Variants in DIAPH3 observed in about 807,000 individuals in gnomAD.
DIAPH3 encodes the protein diaphanous related formin 3.
In DIAPH3, 117 loss-of-function variants were observed where a neutral mutation model predicts 144.3. That is an observed-to-expected ratio of 0.81 (90% CI 0.70 to 0.95). The LOEUF is 0.95. Among genes scored for constraint, DIAPH3 ranks in the 40% least tolerant of loss-of-function variants. The pLI, the probability that DIAPH3 is intolerant of heterozygous loss-of-function variation, is 0.00. For synonymous variants in DIAPH3, 519 were observed against 488.9 expected (o/e 1.06, Z -0.81); for missense variants, 1,421 against 1,412.7 (o/e 1.01, Z -0.09).
intron 24 of DIAPH3, among the ~76,000 whole-genome samples, chr13:59,828,127 G>A (rs1213745763): frequency 6.6e-6 from 1 of 151,954 alleles, no homozygotes; most frequent in Non-Finnish European, 1.5e-5. Flanking sequence ...CATATAGTAT[G>A]AGGTCAGATA....
intron 22 of DIAPH3, among the ~76,000 whole-genome samples, chr13:59,845,529 C>T (rs1357480881): frequency 6.6e-6 from 1 of 152,088 alleles, no homozygotes; most frequent in Non-Finnish European, 1.5e-5. Flanking sequence ...TAAACAAAGC[C>T]CCACCTACAA....
chr13:60,082,105 G>A (rs2137812331), intron 4 of DIAPH3, among the ~76,000 whole-genome samples: 1 of 151,356 alleles, frequency 6.6e-6, no homozygotes, highest in Non-Finnish European at 1.5e-5. Context: ...AATATTTAAA[G>A]TGGACTAAGA....
At chr13:59,984,014 C>T in intron 12 of DIAPH3, 127 bp from the exon 13 acceptor site, 1 of 671,748 alleles carries the variant, frequency 1.5e-6, no homozygotes, top group Non-Finnish European at 2.6e-6. Context: ...CAATAGTTGA[C>T]ACAACAGATT....
chr13:60,117,891 T>C (rs576760462), intron 2 of DIAPH3, among the ~76,000 whole-genome samples: 1 of 152,168 alleles, frequency 6.6e-6, no homozygotes, highest in East Asian at 1.9e-4. Flanking sequence ...TTCTATTTCA[T>C]GTAAAATTTC....
At chr13:59,883,255 G>A (rs561795897) in intron 20 of DIAPH3, among the ~76,000 whole-genome samples, 30 of 152,032 alleles carry the variant, frequency 2.0e-4, no homozygotes, top group African/African-American at 7.2e-4. Flanking sequence ...TCTCATTATG[G>A]TTCTATTTTT....
At chr13:60,062,007 C>T (rs1459756161) in intron 4 of DIAPH3, among the ~76,000 whole-genome samples, 1 of 152,104 alleles carries the variant, frequency 6.6e-6, no homozygotes, top group Non-Finnish European at 1.5e-5. Flanking sequence ...AAAACCTCTT[C>T]TAACCCCCTC....
chr13:59,834,804 T>G (rs2041959542), intron 23 of DIAPH3, among the ~76,000 whole-genome samples: 1 of 151,776 alleles, frequency 6.6e-6, no homozygotes, highest in African/African-American at 2.4e-5. Context: ...AATATTGATA[T>G]AAGCCCAATT....
intron 20 of DIAPH3, among the ~76,000 whole-genome samples, chr13:59,881,806 C>T (rs143176523): frequency 2.5e-3 from 383 of 151,934 alleles, no homozygotes; most frequent in Non-Finnish European, 4.6e-3. Flanking sequence ...CTTTGAACAA[C>T]ACTTAAAAAA....
At chr13:60,009,770 G>A (rs1407668827) in intron 8 of DIAPH3, among the ~76,000 whole-genome samples, 1 of 152,148 alleles carries the variant, frequency 6.6e-6, no homozygotes, top group East Asian at 1.9e-4. Context: ...CCTCCACAAG[G>A]CTGATTTTCA....
intron 24 of DIAPH3, among the ~76,000 whole-genome samples, chr13:59,813,141 TAA>T (rs761714899): frequency 1.5e-5 from 2 of 136,440 alleles, no homozygotes; most frequent in Non-Finnish European, 1.6e-5. Flanking sequence ...CGCAGAAACC[TAA>T]AAAAAAAAAA....
intron 9 of DIAPH3, among the ~76,000 whole-genome samples, chr13:60,004,571 T>G (rs919981947): frequency 3.9e-5 from 6 of 152,192 alleles, no homozygotes; most frequent in African/African-American, 1.2e-4. Context: ...CAACAAAATA[T>G]TTGAATAGAA....
chr13:59,793,878 G>GCCC (rs1177825884), intron 25 of DIAPH3, among the ~76,000 whole-genome samples: 3 of 152,118 alleles, frequency 2.0e-5, no homozygotes, highest in African/African-American at 7.2e-5. Context: ...GGTCATACTA[G>GCCC]CCCCTTCCTA....
intron 2 of DIAPH3, among the ~76,000 whole-genome samples, chr13:60,126,046 A>C (rs2058981503): frequency 6.6e-6 from 1 of 152,228 alleles, no homozygotes; most frequent in African/African-American, 2.4e-5. Flanking sequence ...TCAGTAGGCC[A>C]ATGAATTATT....
chr13:59,670,397 C>A (rs1450057784), intron 27 of DIAPH3, among the ~76,000 whole-genome samples: 2 of 152,174 alleles, frequency 1.3e-5, no homozygotes, highest in African/African-American at 4.8e-5. Flanking sequence ...AGCACCCCAA[C>A]AGCCCCCATT....
Position 60,063,624 on chromosome 13 carries a change from G to A in DIAPH3, c.496-20804C>T, listed in dbSNP as rs1262454782. ...TGCAGAATGGATGTTGTGTTCACAT[G>A]CATAAAAACATTACTCTCCTGGCCA... On this transcript the variant is annotated intron_variant, in intron 4 of 27. Coordinates refer to ENST00000400324, the MANE Select transcript of DIAPH3 (RefSeq NM_001042517.2). 3.9e-5 allele frequency among the ~76,000 whole-genome samples: 6 copies of A among 152,082 alleles called. No individual in the cohort carries two copies. In the South Asian group the frequency reaches 1.0e-3, roughly 26 times the overall value.
chr13:60,105,646 G>A (rs748484408), intron 3 of DIAPH3, among the ~76,000 whole-genome samples: 3 of 152,128 alleles, frequency 2.0e-5, no homozygotes, highest in African/African-American at 7.2e-5. Flanking sequence ...CCAATGGAGA[G>A]GGAAAAGAGT....
intron 20 of DIAPH3, among the ~76,000 whole-genome samples, chr13:59,902,702 G>T (rs778033485): frequency 4.6e-5 from 7 of 152,094 alleles, no homozygotes; most frequent in Non-Finnish European, 7.4e-5. Flanking sequence ...CATGAACTGG[G>T]GAGGCACATG....
chr13:59,995,031 A>G (rs2052103238), intron 9 of DIAPH3, among the ~76,000 whole-genome samples: 1 of 151,854 alleles, frequency 6.6e-6, no homozygotes, highest in African/African-American at 2.4e-5. Context: ...GAGGTAGAAG[A>G]AAAGCATTTA....
chr13:59,714,970 G>A (rs2034976770), intron 27 of DIAPH3, among the ~76,000 whole-genome samples: 1 of 149,328 alleles, frequency 6.7e-6, no homozygotes, highest in South Asian at 2.2e-4. Context: ...AACAATAAGG[G>A]AGCAGGGAGA....
Sources: allele counts gnomAD v4.1 joint callset (sites outside exome capture counted in the v4.1 genomes callset), GRCh38; gene constraint gnomAD v4.1.1; transcripts MANE v1.5; gene names NCBI Gene and HGNC (gene_info 2026-07-23, HGNC 2026-07-21).